KLHL1: variants seen among roughly 807,000 people sequenced by gnomAD.
KLHL1 encodes kelch like family member 1.
In KLHL1, 47 loss-of-function variants were observed where a neutral mutation model predicts 77.7. The observed-to-expected ratio is 0.60, with a 90% CI of 0.48 to 0.77. The LOEUF (loss-of-function observed/expected upper bound fraction) is 0.77, where lower values mean the gene tolerates loss of function less well. KLHL1 is among the 30% of genes least tolerant of loss of function. The pLI, the probability that KLHL1 is intolerant of heterozygous loss-of-function variation, is 0.00. For synonymous variants in KLHL1, 360 were observed against 325.2 expected (o/e 1.11, Z -1.15); for missense variants, 925 against 910.8 (o/e 1.02, Z -0.20).
Position 70,107,731 on chromosome 13 carries a change from C to T in KLHL1, c.-32G>A. 1 of 1,486,458 alleles carries T rather than the reference C, an allele frequency of 6.7e-7. No individual in the cohort carries two copies. The highest frequency in any genetic ancestry group is 8.9e-7 in the Non-Finnish European group (1 of 1,121,076). The allele number at this position is 1,486,458 out of a possible 1,614,324, so 92.1% of individuals were successfully genotyped here. On this transcript the variant is annotated 5_prime_UTR_variant, in exon 1 of 11. Coordinates refer to ENST00000377844, the MANE Select transcript of KLHL1 (RefSeq NM_020866.3). The stretch of plus-strand genomic sequence containing the variant: ...CGCACAGAAGGCAAAAGGCTGGCAG[C>T]TCACGCAGGAGTAGGCTGGTCAGCA...
chr13:69,746,600 G>A (rs7999541), intron 7 of KLHL1, among the ~76,000 whole-genome samples: 64,681 of 151,474 alleles, frequency 0.43, 14,080 homozygotes, highest in African/African-American at 0.46. Flanking sequence ...TGTTTAATCA[G>A]TTTTTTTTCT....
At chr13:69,805,682 G>A (rs1228058935) in intron 6 of KLHL1, among the ~76,000 whole-genome samples, 28 of 139,238 alleles carry the variant, frequency 2.0e-4, no homozygotes, top group Admixed American at 6.7e-4. Flanking sequence ...AGCTCTAGAT[G>A]AAAAAAAACA....
chr13:69,970,586 G>A (rs1884355095), intron 2 of KLHL1, among the ~76,000 whole-genome samples: 1 of 152,024 alleles, frequency 6.6e-6, no homozygotes, highest in Admixed American at 6.6e-5. Context: ...AAGTCTATGT[G>A]TTCCTGCTTC....
intron 1 of KLHL1, among the ~76,000 whole-genome samples, chr13:69,983,567 C>A: frequency 9.9e-6 from 1 of 101,146 alleles, no homozygotes; most frequent in African/African-American, 7.2e-5. Flanking sequence ...ATGTGAGACC[C>A]TATCTTTACA....
intron 8 of KLHL1, among the ~76,000 whole-genome samples, chr13:69,732,353 G>C (rs138641274): frequency 6.6e-6 from 1 of 152,250 alleles, no homozygotes; most frequent in Non-Finnish European, 1.5e-5. Flanking sequence ...GCAGAAGAAA[G>C]ACAGAGTTGA....
At chr13:70,062,321 T>A (rs574765319) in intron 1 of KLHL1, among the ~76,000 whole-genome samples, 1 of 152,320 alleles carries the variant, frequency 6.6e-6, no homozygotes, top group African/African-American at 2.4e-5. Flanking sequence ...ACATCTAAAC[T>A]ATTGGATAAT....
intron 5 of KLHL1, among the ~76,000 whole-genome samples, chr13:69,879,683 C>T (rs1566357781): frequency 6.6e-6 from 1 of 151,984 alleles, no homozygotes; most frequent in Non-Finnish European, 1.5e-5. Flanking sequence ...TTCAATTAAA[C>T]TTTTTTTTCA....
At chr13:70,051,398 CAG>C in intron 1 of KLHL1, among the ~76,000 whole-genome samples, 1 of 152,022 alleles carries the variant, frequency 6.6e-6, no homozygotes, top group East Asian at 1.9e-4. Flanking sequence ...CATGCAATGA[CAG>C]AAAATCTTAG....
rs200432953 is a variant in KLHL1, at chr13:69,949,199, A to AT, written c.818-8964dup. Among the ~76,000 whole-genome samples the AT allele has an allele frequency of 6.6e-3, 994 of 150,950 alleles. 15 individuals carry two copies. The highest frequency in any genetic ancestry group is 0.023 in the African/African-American group (938 of 41,224). On this transcript the variant is annotated intron_variant, in intron 3 of 10. Coordinates refer to ENST00000377844, the MANE Select transcript of KLHL1 (RefSeq NM_020866.3). ...TGTGTACTTCCTTTACATTCCTTAG[A>AT]TTTTTTTTTCTTTTCTTACCTAATG...
At position 70,107,966 on chromosome 13, in the gene KLHL1, C is replaced by T. The variant is rs1593751433; in HGVS notation, c.-267G>A. 4 of 443,402 alleles carry T rather than the reference C, an allele frequency of 9.0e-6. No homozygotes were observed. The highest frequency in any genetic ancestry group is 3.3e-5 in the East Asian group (1 of 30,166). The allele number at this position is 443,402 out of a possible 1,614,324, so 27.5% of individuals were successfully genotyped here. ...GGCAGGAGCAGAGGCAGGACTGGGA[C>T]GCCAAAAGCTGAGAATCCTCGATGC... On this transcript the variant is annotated 5_prime_UTR_variant, in exon 1 of 11. Transcript: ENST00000377844.
chr13:69,796,701 T>C, intron 7 of KLHL1, 37 bp downstream of exon 7: 1 of 1,375,056 alleles, frequency 7.3e-7, no homozygotes, highest in Non-Finnish European at 1.0e-6. Context: ...ATCAATAACA[T>C]GTTTCTAAAA....
chr13:70,000,378 G>A (rs1288501494), intron 1 of KLHL1, among the ~76,000 whole-genome samples: 1 of 151,704 alleles, frequency 6.6e-6, no homozygotes, highest in Non-Finnish European at 1.5e-5. Context: ...ATAGCTAGAA[G>A]TATAAAAACA....
chr13:70,087,279 A>T (rs1273824484), intron 1 of KLHL1, among the ~76,000 whole-genome samples: 3 of 152,198 alleles, frequency 2.0e-5, no homozygotes, highest in African/African-American at 7.2e-5. Context: ...ATGAAAAAAT[A>T]TAGTAAATTT....
chr13:69,809,797 T>C (rs190584850), intron 6 of KLHL1, among the ~76,000 whole-genome samples: 146 of 151,998 alleles, frequency 9.6e-4, no homozygotes, highest in East Asian at 6.6e-3. Context: ...TTCCACTGTC[T>C]TCCAGAGACC....
intron 4 of KLHL1, among the ~76,000 whole-genome samples, chr13:69,885,867 T>G (rs1026846620): frequency 6.6e-6 from 1 of 152,182 alleles, no homozygotes; most frequent in African/African-American, 2.4e-5. Context: ...CTCTGTAGAA[T>G]CCAGCTTTTC....
chr13:69,749,432 GTAC>G (rs1874374571), intron 7 of KLHL1, among the ~76,000 whole-genome samples: 1 of 151,762 alleles, frequency 6.6e-6, no homozygotes. Flanking sequence ...TTGCCAAAAT[GTAC>G]TTTTTCCAGT....
At chr13:69,877,623 C>A (rs1741440481) in intron 5 of KLHL1, among the ~76,000 whole-genome samples, 1 of 151,974 alleles carries the variant, frequency 6.6e-6, no homozygotes. Context: ...TAGTGTAATT[C>A]ATTCTTGGAT....
At chr13:69,947,481 T>C (rs1480245503) in intron 3 of KLHL1, among the ~76,000 whole-genome samples, 1 of 152,072 alleles carries the variant, frequency 6.6e-6, no homozygotes, top group East Asian at 1.9e-4. Flanking sequence ...TCAGTCTAAA[T>C]TCAAACCCTT....
intron 8 of KLHL1, among the ~76,000 whole-genome samples, chr13:69,735,060 A>G (rs1311577792): frequency 6.6e-6 from 1 of 152,098 alleles, no homozygotes; most frequent in Non-Finnish European, 1.5e-5. Context: ...ATGAGCAAGT[A>G]GGATTTACTT....
Sources: gnomAD v4.1 joint callset for allele counts (sites outside exome capture counted in the v4.1 genomes callset) on GRCh38, gnomAD v4.1.1 for gene constraint, MANE v1.5 for transcripts, NCBI Gene and HGNC (gene_info 2026-07-23, HGNC 2026-07-21) for gene names.